RARB: variants seen among roughly 807,000 people sequenced by gnomAD.
RARB encodes HBV-activated protein.
A neutral mutation model predicts 51.9 loss-of-function variants in RARB; 17 were observed. The observed-to-expected ratio is 0.33, with a 90% confidence interval of 0.22 to 0.49. RARB has a LOEUF of 0.49. Ranked by LOEUF, RARB falls within the 20% of genes least tolerant of loss-of-function variation. The pLI is 0.99. For synonymous variants in RARB, 215 were observed against 195.4 expected, an observed-to-expected ratio of 1.10 and a Z score of -0.84; for missense variants, 369 against 550.8, an observed-to-expected ratio of 0.67 and a Z score of 3.30.
At chr3:25,585,630 A>G (rs1701353359) in intron 5 of RARB, among the ~76,000 whole-genome samples, 1 of 152,222 alleles carries the variant, frequency 6.6e-6, no homozygotes, top group African/African-American at 2.4e-5. Flanking sequence ...TGCCACAGTG[A>G]TGCGTGGGTG....
chr3:25,323,044 C>T (rs1349807459), intron 5 of RARB, among the ~76,000 whole-genome samples: 4 of 152,178 alleles, frequency 2.6e-5, no homozygotes, highest in African/African-American at 9.7e-5. Context: ...AAGGGCCTCA[C>T]CTACATGTTT....
At chr3:25,593,465 A>C in intron 5 of RARB, 38 bp from the exon 6 acceptor site, 2 of 1,557,050 alleles carry the variant, frequency 1.3e-6, no homozygotes, top group Non-Finnish European at 1.8e-6. Flanking sequence ...TCAGGACAGG[A>C]TGGCTTAGAA....
intron 2 of RARB, among the ~76,000 whole-genome samples, chr3:24,907,572 G>T (rs1694893498): frequency 6.6e-6 from 1 of 152,176 alleles, no homozygotes; most frequent in African/African-American, 2.4e-5. Flanking sequence ...AAGAGAAGCT[G>T]AGTGGAAGTA....
intron 5 of RARB, among the ~76,000 whole-genome samples, chr3:25,245,507 A>C (rs1559521147): frequency 6.6e-6 from 1 of 152,138 alleles, no homozygotes; most frequent in Non-Finnish European, 1.5e-5. Flanking sequence ...TGGTGGTGAC[A>C]AAATCCTTCA....
At chr3:24,960,395 G>T (rs1437119268) in intron 2 of RARB, among the ~76,000 whole-genome samples, 2 of 152,176 alleles carry the variant, frequency 1.3e-5, no homozygotes, top group East Asian at 3.8e-4. Flanking sequence ...CCTAGGAAAA[G>T]AAAATCTCAC....
intron 2 of RARB, among the ~76,000 whole-genome samples, chr3:25,485,834 C>T (rs1365969538): frequency 2.6e-5 from 4 of 152,112 alleles, no homozygotes; most frequent in Admixed American, 6.5e-5. Flanking sequence ...TCCTCTCACA[C>T]GTTGGCTTGA....
intron 3 of RARB, among the ~76,000 whole-genome samples, chr3:25,111,056 T>C (rs1319120524): frequency 3.3e-5 from 5 of 152,208 alleles, no homozygotes; most frequent in Non-Finnish European, 7.3e-5. Context: ...TGAGTCTTTC[T>C]AAGGCTTGGC....
chr3:24,885,163 T>G (rs1233395720), intron 2 of RARB, among the ~76,000 whole-genome samples: 1 of 152,088 alleles, frequency 6.6e-6, no homozygotes, highest in Non-Finnish European at 1.5e-5. Flanking sequence ...AATGATTAGC[T>G]TGGGGCAAGC....
At chr3:25,188,154 A>G (rs1701019643) in intron 5 of RARB, among the ~76,000 whole-genome samples, 1 of 152,090 alleles carries the variant, frequency 6.6e-6, no homozygotes, top group African/African-American at 2.4e-5. Flanking sequence ...GTTTAGGACA[A>G]ATTCTAGCAA....
chr3:25,556,997 G>A (rs138307645), intron 3 of RARB, among the ~76,000 whole-genome samples: 4 of 152,318 alleles, frequency 2.6e-5, no homozygotes, highest in Admixed American at 6.5e-5. Flanking sequence ...AATTCCTGAT[G>A]TGCAAGGTAG....
At chr3:25,406,030 A>G (rs7619119) in intron 5 of RARB, among the ~76,000 whole-genome samples, 63,812 of 151,512 alleles carry the variant, frequency 0.42, 13,783 homozygotes, top group East Asian at 0.73. Context: ...GCCTTAGAGG[A>G]CTCCCATCTC....
At chr3:25,554,484 A>G (rs1395489973) in intron 3 of RARB, among the ~76,000 whole-genome samples, 1 of 152,040 alleles carries the variant, frequency 6.6e-6, no homozygotes, top group African/African-American at 2.4e-5. Context: ...TTTTTGCGCT[A>G]CAAGGGCAGA....
intron 5 of RARB, among the ~76,000 whole-genome samples, chr3:25,184,242 C>T (rs1193826075): frequency 1.3e-5 from 2 of 151,712 alleles, no homozygotes; most frequent in African/African-American, 4.8e-5. Context: ...GTGCTGAGAT[C>T]CTTTGCCAAA....
intron 5 of RARB, among the ~76,000 whole-genome samples, chr3:25,375,601 C>T (rs1004382293): frequency 8.5e-5 from 13 of 152,182 alleles, no homozygotes; most frequent in Admixed American, 2.6e-4. Context: ...ATAGGTCAAA[C>T]AGTGAATACA....
At chr3:24,930,571 A>G (rs892885549) in intron 2 of RARB, among the ~76,000 whole-genome samples, 3 of 152,102 alleles carry the variant, frequency 2.0e-5, no homozygotes, top group African/African-American at 7.2e-5. Context: ...CCTGGCACAT[A>G]ATAGGAGTTC....
intron 4 of RARB, among the ~76,000 whole-genome samples, chr3:25,169,437 A>G (rs1700608222): frequency 6.6e-6 from 1 of 152,226 alleles, no homozygotes; most frequent in Non-Finnish European, 1.5e-5. Context: ...TCACGGATAT[A>G]AAGAAGACTA....
chr3:24,903,625 T>C (rs1168852423), intron 2 of RARB, among the ~76,000 whole-genome samples: 2 of 152,170 alleles, frequency 1.3e-5, no homozygotes, highest in South Asian at 2.1e-4. Context: ...ATTCAGACTT[T>C]TATCTCATAC....
chr3:25,387,863 C>T (rs1706841653), intron 5 of RARB, among the ~76,000 whole-genome samples: 1 of 151,400 alleles, frequency 6.6e-6, no homozygotes, highest in African/African-American at 2.4e-5. Context: ...CAGCTTTATC[C>T]TTAGGGAATA....
intron 5 of RARB, among the ~76,000 whole-genome samples, chr3:25,233,336 G>A (rs1022896119): frequency 2.0e-5 from 3 of 152,046 alleles, no homozygotes; most frequent in Admixed American, 6.6e-5. Flanking sequence ...ATAAGTCAAG[G>A]AGCATCTGTA....
Sources: gnomAD v4.1 joint callset for allele counts (sites outside exome capture counted in the v4.1 genomes callset) on GRCh38, gnomAD v4.1.1 for gene constraint, MANE v1.5 for transcripts, NCBI Gene and HGNC (gene_info 2026-07-23, HGNC 2026-07-21) for gene names.